The following TMEM132C variants were observed in gnomAD, a reference collection of about 807,000 sequenced individuals.
The protein encoded by TMEM132C is protein phosphatase 1, regulatory subunit 152.
Under a neutral mutation model 61.4 loss-of-function variants are expected in TMEM132C, and 29 were observed. The ratio of observed to expected loss-of-function variants is 0.47; its 90% CI spans 0.35 to 0.64. The LOEUF (loss-of-function observed/expected upper bound fraction) is 0.64. Among genes scored for constraint, TMEM132C ranks in the 30% least tolerant of loss-of-function variants. The pLI is 0.00. For missense variants in TMEM132C, 1,408 were observed against 1,476.9 expected (o/e 0.95, Z 0.76); for synonymous variants, 656 against 633.1 (o/e 1.04, Z -0.54).
chr12:128,705,720 C>T lies in TMEM132C; in HGVS notation c.2752C>T (p.Arg918Trp), dbSNP rs555926148. ...GGAAAACGACCTGGTGCAGACTCCG[C>T]GGGGCCTGAGTGATCTGGAGATAGG... ...LEENDLVQTP[R>W]GLSDLEIGMY... The change falls in exon 9 of 9, where the codon CGG becomes TGG. Residue 918 changes from arginine to tryptophan, a missense_variant. Physicochemically the swap from Arg to Trp is moderately radical, Grantham distance 101. Coordinates refer to ENST00000435159, the MANE Select transcript of TMEM132C (RefSeq NM_001136103.3). 34 of 1,551,394 alleles carry T rather than the reference C, an allele frequency of 2.2e-5. No individual in the cohort carries two copies. The highest frequency in any genetic ancestry group is 1.2e-4 in the Admixed American group (6 of 51,004).
At chr12:128,497,788 C>T (rs557516120) in intron 2 of TMEM132C, among the ~76,000 whole-genome samples, 29 of 152,270 alleles carry the variant, frequency 1.9e-4, no homozygotes, top group African/African-American at 5.1e-4. Flanking sequence ...CCTGGTGAGG[C>T]GATGTCTTAC....
chr12:128,370,989 G>A (rs1112925), intron 1 of TMEM132C, among the ~76,000 whole-genome samples: 113,350 of 151,960 alleles, frequency 0.75, 44,674 homozygotes, highest in Non-Finnish European at 0.9. Context: ...CCCTTGTGCC[G>A]ATAGAAGTGG....
At chr12:128,691,320 C>T (rs987434518) in intron 5 of TMEM132C, among the ~76,000 whole-genome samples, 3 of 152,238 alleles carry the variant, frequency 2.0e-5, no homozygotes, top group African/African-American at 7.2e-5. Flanking sequence ...GGCTCCATGT[C>T]ATCTCAGTCT....
Position 128,429,955 on chromosome 12 carries a change from T to A in TMEM132C, c.974+14335T>A, listed in dbSNP as rs7973086. Among the ~76,000 whole-genome samples, 15 of 151,986 alleles carry A rather than the reference T, an allele frequency of 9.9e-5. No homozygotes were observed. In the East Asian group the frequency reaches 2.5e-3, roughly 25 times the overall value. ...CAATTATGCCATCCTGAGATGCACA[T>A]TGGGGAGAGGAGGACCAGGCATGGC... On this transcript the variant is annotated intron_variant, in intron 2 of 8. Transcript: ENST00000435159.
At chr12:128,468,421 G>A (rs999315554) in intron 2 of TMEM132C, among the ~76,000 whole-genome samples, 4 of 152,030 alleles carry the variant, frequency 2.6e-5, no homozygotes, top group Middle Eastern at 3.2e-3. Context: ...GGGTTCAAGC[G>A]ATTCTTCTGC....
In TMEM132C at chr12:128,705,909, C is replaced by T. The variant is rs1954835809; in HGVS notation, c.2941C>T (p.Leu981=). 1.3e-6 allele frequency: 2 copies of T among 1,551,410 alleles called. No individual in the cohort carries two copies. The highest frequency in any genetic ancestry group is 2.4e-5 in the East Asian group (1 of 40,912). ...WVWLGNEAEL[L]ESMGDAPPPQ... is the part of the protein sequence containing the mutation. The stretch of plus-strand genomic sequence containing the variant: ...GTGGCTTGGCAATGAGGCCGAACTC[C>T]TGGAGAGCATGGGGGATGCGCCGCC... Residue 981 remains leucine (L), a synonymous_variant, in exon 9 of 9, where the codon CTG becomes TTG. Transcript: ENST00000435159.
chr12:128,510,671 C>G (rs532581118), intron 2 of TMEM132C, among the ~76,000 whole-genome samples: 1 of 152,168 alleles, frequency 6.6e-6, no homozygotes, highest in African/African-American at 2.4e-5. Context: ...CCTGGTAAAC[C>G]GCAGTTCCCA....
chr12:128,693,924 C>A lies in TMEM132C; in HGVS notation c.1545C>A (p.Ala515=). 1 of 1,551,726 alleles carries A rather than the reference C, an allele frequency of 6.4e-7. No homozygotes were observed. Among genetic ancestry groups the A allele is most frequent in the Middle Eastern group, 1.7e-4 (1 of 5,992 alleles). The change falls in exon 6 of 9, where the codon GCC becomes GCA. Residue 515 remains alanine (A), a synonymous_variant. Coordinates refer to ENST00000435159, the MANE Select transcript of TMEM132C (RefSeq NM_001136103.3). The part of the protein sequence containing the change: ...VVNFTYQYLS[A]PLCVTVWVPR... Reference sequence around the variant, plus strand: ...ACTTCACATACCAGTACCTGAGCGCCCCCCTGTGTGTCACCGTGTGGGTGC... The same window carrying A: ...ACTTCACATACCAGTACCTGAGCGCACCCCTGTGTGTCACCGTGTGGGTGC...
intron 3 of TMEM132C, among the ~76,000 whole-genome samples, chr12:128,563,229 TACTC>T (rs1255089302): frequency 3.9e-5 from 6 of 152,190 alleles, no homozygotes; most frequent in South Asian, 4.1e-4. Flanking sequence ...AATCTGAAAA[TACTC>T]AGAGAATGAA....
At chr12:128,677,001 G>A (rs993547824) in intron 5 of TMEM132C, among the ~76,000 whole-genome samples, 1 of 152,210 alleles carries the variant, frequency 6.6e-6, no homozygotes, top group African/African-American at 2.4e-5. Context: ...AGCACCTAGA[G>A]AAGGGCCAAG....
chr12:128,581,338 T>A lies in TMEM132C; in HGVS notation c.1122-34814T>A, dbSNP rs1457529632. On this transcript the variant is annotated intron_variant, in intron 3 of 8. Coordinates refer to ENST00000435159, the MANE Select transcript of TMEM132C (RefSeq NM_001136103.3). Reference sequence around the variant, plus strand: ...AATCACAGTGAGTTCCAAAACCCAGTCAGTCCTTGAACAAATGTGCAGCAT... The same window carrying A: ...AATCACAGTGAGTTCCAAAACCCAGACAGTCCTTGAACAAATGTGCAGCAT... Among the ~76,000 whole-genome samples the A allele has an allele frequency of 7.2e-5, 11 of 152,062 alleles. No individual in the cohort carries two copies. In the South Asian group the frequency reaches 2.3e-3, roughly 32 times the overall value.
intron 2 of TMEM132C, among the ~76,000 whole-genome samples, chr12:128,475,731 T>C (rs1055147705): frequency 6.6e-6 from 1 of 152,206 alleles, no homozygotes; most frequent in Non-Finnish European, 1.5e-5. Context: ...TGCTGGTCCC[T>C]TCATCTGTGC....
intron 1 of TMEM132C, among the ~76,000 whole-genome samples, chr12:128,294,991 A>ATAGATAGATAGATAGG (rs370700296): frequency 6.7e-6 from 1 of 149,472 alleles, no homozygotes; most frequent in African/African-American, 2.5e-5. Context: ...TAAATAATAG[A>ATAGATAGATAGATAGG]TAGATAGATA....
chr12:128,474,215 C>G (rs184849382), intron 2 of TMEM132C, among the ~76,000 whole-genome samples: 1 of 152,336 alleles, frequency 6.6e-6, no homozygotes, highest in African/African-American at 2.4e-5. Flanking sequence ...ACCTGGGAAT[C>G]TGCATTTTTA....
chr12:128,594,801 CA>C (rs929281017), intron 3 of TMEM132C, among the ~76,000 whole-genome samples: 2 of 152,244 alleles, frequency 1.3e-5, no homozygotes, highest in African/African-American at 4.8e-5. Context: ...ACTGATTTCT[CA>C]GAGGATGCCA....
At chr12:128,508,485 G>A (rs148231410) in intron 2 of TMEM132C, among the ~76,000 whole-genome samples, 4 of 152,280 alleles carry the variant, frequency 2.6e-5, no homozygotes, top group East Asian at 3.9e-4. Context: ...GCAGGGAGGC[G>A]GAGTGGGGAC....
In TMEM132C at chr12:128,705,316, A is replaced by G. The variant is rs1367653480; in HGVS notation, c.2348A>G (p.Lys783Arg). 5.2e-6 allele frequency: 8 copies of G among 1,551,092 alleles called. No individual in the cohort carries two copies. The highest frequency in any genetic ancestry group is 7.0e-6 in the Non-Finnish European group (8 of 1,146,656). ...MTIAEACQKSKRKSILAVGVG... is the reference protein window; with the variant it reads ...MTIAEACQKSRRKSILAVGVG... ...ATCGCCGAGGCCTGCCAGAAATCTA[A>G]ACGCAAGAGCATCCTGGCTGTGGGC... The change falls in exon 9 of 9, where the codon AAA (lysine) becomes AGA (arginine). Residue 783 changes from lysine to arginine, a missense_variant. Physicochemically the swap from Lys to Arg is conservative, Grantham distance 26 (BLOSUM62 2). Coordinates refer to ENST00000435159, the MANE Select transcript of TMEM132C (RefSeq NM_001136103.3).
In TMEM132C at chr12:128,338,761, T is replaced by TATATATATATA. The variant is rs1201524886; in HGVS notation, c.85+71275_85+71285dup. The stretch of plus-strand genomic sequence containing the variant: ...TTCTTGTTTTCCTTCTGCAGAAATA[T>TATATATATATA]ATATATATATATATATTTTGCACAA... On this transcript the variant is annotated intron_variant, in intron 1 of 8. Transcript: ENST00000435159. Among the ~76,000 whole-genome samples the TATATATATATA allele has an allele frequency of 1.4e-3, 202 of 143,196 alleles. 17 individuals are homozygous for TATATATATATA. The highest frequency in any genetic ancestry group is 5.0e-3 in the African/African-American group (179 of 35,662). The allele number at this position is 143,196 out of a possible 152,430, so 93.9% of individuals were successfully genotyped here.
At chr12:128,346,845 T>C (rs559374822) in intron 1 of TMEM132C, among the ~76,000 whole-genome samples, 1 of 152,348 alleles carries the variant, frequency 6.6e-6, no homozygotes, top group Admixed American at 6.5e-5. Context: ...TCTACTGATC[T>C]GTATGTCTAT....
Sources: gnomAD v4.1 joint callset for allele counts (sites outside exome capture counted in the v4.1 genomes callset) on GRCh38, gnomAD v4.1.1 for gene constraint, MANE v1.5 for transcripts, NCBI Gene and HGNC (gene_info 2026-07-23, HGNC 2026-07-21) for gene names.